ARHGAP31: variants seen among roughly 807,000 people sequenced by gnomAD.
ARHGAP31 encodes the protein rho GTPase-activating protein 31.
Under a neutral mutation model 113.9 loss-of-function variants are expected in ARHGAP31, and 34 were observed. The observed-to-expected ratio is 0.30, with a 90% CI of 0.23 to 0.40. The LOEUF (loss-of-function observed/expected upper bound fraction) is 0.40. Ranked by LOEUF, ARHGAP31 falls within the 10% of genes least tolerant of loss-of-function variation. ARHGAP31 has a pLI of 1.00. For synonymous variants in ARHGAP31, 650 were observed against 684.8 expected, an observed-to-expected ratio of 0.95 and a Z score of 0.79; for missense variants, 1,548 against 1,767.1, an observed-to-expected ratio of 0.88 and a Z score of 2.22.
rs537313542 is a variant in ARHGAP31, at chr3:119,358,469, T to C, written c.101-6847T>C. Among the ~76,000 whole-genome samples the C allele has an allele frequency of 9.8e-5, 15 of 152,328 alleles. No individual in the cohort carries two copies. In the East Asian group the frequency reaches 2.7e-3, roughly 27 times the overall value. ...TCAAAAGTTAAATGTAGAGTCACCATACGACCTAGCCATTTCACCCCTTGG... is the reference window on the plus strand; with the variant it reads ...TCAAAAGTTAAATGTAGAGTCACCACACGACCTAGCCATTTCACCCCTTGG... On this transcript the variant is annotated intron_variant, in intron 1 of 11. Transcript: ENST00000264245.
chr3:119,323,311 G>C (rs2107603548), intron 1 of ARHGAP31, among the ~76,000 whole-genome samples: 1 of 152,090 alleles, frequency 6.6e-6, no homozygotes, highest in South Asian at 2.1e-4. Context: ...CGCCGGCCCT[G>C]GGGGCAGCCA....
chr3:119,393,117 C>T (rs1288347578), intron 7 of ARHGAP31, among the ~76,000 whole-genome samples: 1 of 152,124 alleles, frequency 6.6e-6, no homozygotes, highest in Non-Finnish European at 1.5e-5. Flanking sequence ...TTTGAAATTC[C>T]AGAACAAAAG....
At chr3:119,341,187 G>C (rs992108634) in intron 1 of ARHGAP31, among the ~76,000 whole-genome samples, 2 of 152,214 alleles carry the variant, frequency 1.3e-5, no homozygotes, top group African/African-American at 4.8e-5. Flanking sequence ...GATAGTCAGG[G>C]AGGTAGGGCA....
intron 1 of ARHGAP31, among the ~76,000 whole-genome samples, chr3:119,358,544 G>C (rs556651377): frequency 6.6e-6 from 1 of 152,114 alleles, no homozygotes; most frequent in Non-Finnish European, 1.5e-5. Flanking sequence ...AAACTTGTAC[G>C]TAAAGGTTCA....
chr3:119,338,121 C>T (rs796221198), intron 1 of ARHGAP31, among the ~76,000 whole-genome samples: 3 of 152,194 alleles, frequency 2.0e-5, no homozygotes, highest in African/African-American at 7.2e-5. Context: ...TATTATTTAT[C>T]CTTTAATAAA....
intron 1 of ARHGAP31, among the ~76,000 whole-genome samples, chr3:119,333,294 CT>C (rs1475017083): frequency 1.3e-5 from 2 of 152,158 alleles, no homozygotes; most frequent in Non-Finnish European, 2.9e-5. Context: ...TGTATCCTAA[CT>C]TTTTGAGAAG....
At chr3:119,342,717 AGGTG>A (rs2080020052) in intron 1 of ARHGAP31, among the ~76,000 whole-genome samples, 1 of 152,230 alleles carries the variant, frequency 6.6e-6, no homozygotes. Context: ...GGGGAGGCCA[AGGTG>A]GGCGGATCAC....
chr3:119,355,132 A>G (rs2080144305), intron 1 of ARHGAP31, among the ~76,000 whole-genome samples: 1 of 152,188 alleles, frequency 6.6e-6, no homozygotes, highest in Non-Finnish European at 1.5e-5. Context: ...GGTATCACAG[A>G]AAAAGCATGG....
In ARHGAP31 at chr3:119,418,365, A is replaced by T. The variant is rs886057812; in HGVS notation, c.*2101A>T. Reference sequence around the variant, plus strand: ...AGATGAGAAAGGCCATGTTCAAGAGATCTGAAAAGTACATTCCTGCCTTAT... The same window carrying T: ...AGATGAGAAAGGCCATGTTCAAGAGTTCTGAAAAGTACATTCCTGCCTTAT... On this transcript the variant is annotated 3_prime_UTR_variant, in exon 12 of 12. Transcript: ENST00000264245. The T allele has an allele frequency of 2.0e-5, 3 of 152,202 alleles. No individual in the cohort carries two copies. The highest frequency in any genetic ancestry group is 2.9e-5 in the Non-Finnish European group (2 of 68,052). 9.4% of individuals were successfully genotyped at this position (152,202 alleles called of 1,614,324 possible).
intron 1 of ARHGAP31, among the ~76,000 whole-genome samples, chr3:119,358,860 A>G (rs1191192236): frequency 1.3e-5 from 2 of 152,214 alleles, no homozygotes; most frequent in African/African-American, 2.4e-5. Context: ...GGCAGTAACT[A>G]CTAATGGATA....
chr3:119,399,920 C>T (rs2080585083), intron 9 of ARHGAP31, among the ~76,000 whole-genome samples: 1 of 152,176 alleles, frequency 6.6e-6, no homozygotes, highest in Non-Finnish European at 1.5e-5. Flanking sequence ...TCCTTCAGGG[C>T]TGACTTGCCT....
intron 7 of ARHGAP31, 65 bp downstream of exon 7, chr3:119,391,048 T>C: frequency 6.4e-7 from 1 of 1,564,174 alleles, no homozygotes; most frequent in Non-Finnish European, 8.8e-7. Context: ...GGAGGAGAGG[T>C]ATACAGTCTC....
At chr3:119,355,411 C>T (rs985361557) in intron 1 of ARHGAP31, among the ~76,000 whole-genome samples, 1 of 151,676 alleles carries the variant, frequency 6.6e-6, no homozygotes, top group African/African-American at 2.4e-5. Context: ...CCAGAAAATC[C>T]ATCTGGAGAA....
chr3:119,414,064 C>G lies in ARHGAP31; in HGVS notation c.2135C>G (p.Ser712Cys). 1 of 1,614,162 alleles carries G rather than the reference C, an allele frequency of 6.2e-7. No homozygotes were observed. The highest frequency in any genetic ancestry group is 8.5e-7 in the Non-Finnish European group (1 of 1,180,030). Residue 712 changes from serine to cysteine, a missense_variant, in exon 12 of 12, where the codon TCC (serine) becomes TGC (cysteine). Physicochemically the swap from Ser to Cys is moderately radical, Grantham distance 112. Transcript: ENST00000264245. ...TGTGGCTCCTTCCCTGCTCCAGTCT[C>G]CACCCCTCTGGAGGTGTGGACTAGG... is the stretch of plus-strand genomic sequence containing the variant. ...LPCGSFPAPVSTPLEVWTRDP... is the reference protein window; with the variant it reads ...LPCGSFPAPVCTPLEVWTRDP...
intron 1 of ARHGAP31, among the ~76,000 whole-genome samples, chr3:119,311,033 A>G (rs2079678623): frequency 6.6e-6 from 1 of 152,196 alleles, no homozygotes; most frequent in African/African-American, 2.4e-5. Flanking sequence ...CACAGAAGTG[A>G]CAGCCTATGT....
chr3:119,392,799 T>A (rs2107636491), intron 7 of ARHGAP31, among the ~76,000 whole-genome samples: 1 of 152,350 alleles, frequency 6.6e-6, no homozygotes, highest in East Asian at 1.9e-4. Context: ...GCCAGACTCT[T>A]TTCCAGGTCG....
At chr3:119,362,755 C>T (rs556034431) in intron 1 of ARHGAP31, among the ~76,000 whole-genome samples, 6 of 142,578 alleles carry the variant, frequency 4.2e-5, no homozygotes, top group South Asian at 2.3e-4. Context: ...GTGACAAGAG[C>T]GAAACTCTGT....
intron 1 of ARHGAP31, among the ~76,000 whole-genome samples, chr3:119,352,979 T>C (rs1189022602): frequency 6.6e-6 from 1 of 152,222 alleles, no homozygotes. Flanking sequence ...CAAAAGAAAG[T>C]GTATGACATT....
rs572464392 is a variant in ARHGAP31, at chr3:119,353,578, G to T, written c.101-11738G>T. Among the ~76,000 whole-genome samples, 12 of 152,286 alleles carry T rather than the reference G, an allele frequency of 7.9e-5. No homozygotes were observed. The South Asian group carries it at 2.5e-3, about 32-fold the overall frequency. On this transcript the variant is annotated intron_variant, in intron 1 of 11. Transcript: ENST00000264245. ...CCAGCACTTTGGGAGGCCAAGGCGG[G>T]TGGATCACGAGATCAGGAGTTCAAG...
Sources: gnomAD v4.1 joint callset for allele counts (sites outside exome capture counted in the v4.1 genomes callset) on GRCh38, gnomAD v4.1.1 for gene constraint, MANE v1.5 for transcripts, NCBI Gene and HGNC (gene_info 2026-07-23, HGNC 2026-07-21) for gene names.